Variants in FGFR2 observed in about 807,000 individuals in gnomAD.
FGFR2 encodes the protein BEK fibroblast growth factor receptor.
Under a neutral mutation model 95.9 loss-of-function variants are expected in FGFR2, and 19 were observed. The ratio of observed to expected loss-of-function variants is 0.20; its 90% CI spans 0.14 to 0.29. FGFR2 has a LOEUF of 0.29. Among genes scored for constraint, FGFR2 ranks in the 10% least tolerant of loss-of-function variants. The pLI is 1.00. For synonymous variants in FGFR2, 392 were observed against 393.3 expected (o/e 1.00, Z 0.04); for missense variants, 707 against 1,056.9 (o/e 0.67, Z 4.59).
chr10:121,511,359 G>A (rs1564902750), intron 9 of FGFR2, among the ~76,000 whole-genome samples: 1 of 152,094 alleles, frequency 6.6e-6, no homozygotes, highest in Non-Finnish European at 1.5e-5. Flanking sequence ...ATGTAAAACT[G>A]ATTCAGCAAA....
chr10:121,523,155 G>T (rs1380729065), intron 6 of FGFR2, among the ~76,000 whole-genome samples: 2 of 152,196 alleles, frequency 1.3e-5, no homozygotes, highest in Admixed American at 1.3e-4. Flanking sequence ...AGACATCTAT[G>T]TTTTCACATT....
At chr10:121,509,272 C>T (rs932767029) in intron 9 of FGFR2, among the ~76,000 whole-genome samples, 2 of 151,996 alleles carry the variant, frequency 1.3e-5, no homozygotes, top group South Asian at 2.1e-4. Context: ...TCTTGGCAGG[C>T]ATTTTTTTTT....
chr10:121,538,320 C>T (rs757475317), intron 6 of FGFR2: 2 of 779,672 alleles, frequency 2.6e-6, no homozygotes, highest in Non-Finnish European at 4.8e-6. Flanking sequence ...TCTCAGCTTC[C>T]AAAATGTCAG....
intron 2 of FGFR2, 89 bp from the exon 3 acceptor site, chr10:121,565,793 A>G: frequency 6.7e-7 from 1 of 1,502,592 alleles, no homozygotes; most frequent in Non-Finnish European, 9.2e-7. Context: ...AGGCCTGCTT[A>G]TTCCCAGGAG....
chr10:121,523,066 T>G (rs1213760063), intron 6 of FGFR2, among the ~76,000 whole-genome samples: 1 of 152,252 alleles, frequency 6.6e-6, no homozygotes, highest in Non-Finnish European at 1.5e-5. Context: ...ATAAGCCTGT[T>G]GCTGGTCTTT....
chr10:121,576,896 A>T (rs894123173), intron 2 of FGFR2, among the ~76,000 whole-genome samples: 9 of 151,672 alleles, frequency 5.9e-5, no homozygotes, highest in African/African-American at 2.2e-4. Flanking sequence ...GAACTTTGGG[A>T]AGCTGAGGCA....
chr10:121,529,145 G>GA (rs1851770244), intron 6 of FGFR2, among the ~76,000 whole-genome samples: 2 of 152,060 alleles, frequency 1.3e-5, no homozygotes, highest in Non-Finnish European at 2.9e-5. Flanking sequence ...GTCTCACTCT[G>GA]TCACCCAGTC....
At position 121,479,475 on chromosome 10, in the gene FGFR2, A is replaced by G; in HGVS notation, c.*382T>C. The stretch of plus-strand genomic sequence containing the variant: ...AATTTGAATATATTTACATACATCC[A>G]GCACCTATATACTGCATTTGTGCTC... On this transcript the variant is annotated 3_prime_UTR_variant, in exon 18 of 18. Transcript: ENST00000358487. The G allele has an allele frequency of 1.6e-6, 1 of 630,626 alleles. No individual in the cohort carries two copies. 39.1% of individuals were successfully genotyped at this position (630,626 alleles called of 1,614,324 possible).
At chr10:121,548,412 C>T (rs1042067757) in intron 5 of FGFR2, among the ~76,000 whole-genome samples, 1 of 151,922 alleles carries the variant, frequency 6.6e-6, no homozygotes, top group Non-Finnish European at 1.5e-5. Flanking sequence ...AGGCTAAAGG[C>T]TTTCTGCTGG....
Position 121,479,892 on chromosome 10 carries a change from G to T in FGFR2, c.2431C>A (p.Gln811Lys), listed in dbSNP as rs1450657969. 36 of 1,614,168 alleles carry T rather than the reference G, an allele frequency of 2.2e-5. No individual in the cohort carries two copies. Among genetic ancestry groups the T allele is most frequent in the Non-Finnish European group, 2.9e-5 (34 of 1,180,030 alleles). Residue 811 changes from glutamine to lysine, a missense_variant, in exon 18 of 18, where the codon CAG (glutamine) becomes AAG (lysine). Gln to Lys is a moderately conservative substitution (Grantham distance 53, BLOSUM62 1). Around this residue, in one of 7 missense-constraint regions of FGFR2, gnomAD observed 51 missense variants for 50.2 expected, o/e 1.01. Coordinates refer to ENST00000358487, the MANE Select transcript of FGFR2 (RefSeq NM_000141.5). ...DPMPYEPCLP[Q>K]YPHINGSVKT ...ACACTGCCGTTTATGTGTGGATACT[G>T]AGGAAGGCATGGTTCGTAAGGCATG...
chr10:121,546,035 AC>A (rs1854461221), intron 5 of FGFR2, among the ~76,000 whole-genome samples: 1 of 151,936 alleles, frequency 6.6e-6, no homozygotes, highest in African/African-American at 2.4e-5. Context: ...GTTTTTAAGA[AC>A]CCCCTATGCC....
chr10:121,536,525 C>G (rs941408311), intron 6 of FGFR2, among the ~76,000 whole-genome samples: 2 of 152,192 alleles, frequency 1.3e-5, no homozygotes, highest in Non-Finnish European at 2.9e-5. Flanking sequence ...ATCATACGCT[C>G]TTTTCAACAA....
At chr10:121,529,127 G>C (rs887411302) in intron 6 of FGFR2, among the ~76,000 whole-genome samples, 1 of 151,782 alleles carries the variant, frequency 6.6e-6, no homozygotes, top group Non-Finnish European at 1.5e-5. Context: ...GTTTGTTTTT[G>C]AGAAGGAGTC....
At chr10:121,489,474 C>T (rs776819108) in intron 13 of FGFR2, among the ~76,000 whole-genome samples, 1 of 152,158 alleles carries the variant, frequency 6.6e-6, no homozygotes, top group Non-Finnish European at 1.5e-5. Flanking sequence ...TCTGTCCCTT[C>T]AAATAGAGGA....
At chr10:121,506,231 G>A (rs538866450) in intron 9 of FGFR2, among the ~76,000 whole-genome samples, 10 of 151,840 alleles carry the variant, frequency 6.6e-5, no homozygotes, top group South Asian at 2.1e-4. Context: ...GGTGGTAGGC[G>A]CCTGTAATCC....
At chr10:121,506,406 A>T (rs1848289246) in intron 9 of FGFR2, among the ~76,000 whole-genome samples, 1 of 151,512 alleles carries the variant, frequency 6.6e-6, no homozygotes, top group Non-Finnish European at 1.5e-5. Flanking sequence ...ACTTCCGCAA[A>T]TGGCCAGGGT....
chr10:121,583,235 G>A (rs1861233331), intron 2 of FGFR2: 2 of 152,246 alleles, frequency 1.3e-5, no homozygotes, highest in Admixed American at 6.5e-5. Context: ...CCAAGTACAG[G>A]GGTCTGTCTA....
chr10:121,587,271 G>A (rs1861971679), intron 2 of FGFR2, among the ~76,000 whole-genome samples: 1 of 152,164 alleles, frequency 6.6e-6, no homozygotes, highest in African/African-American at 2.4e-5. Flanking sequence ...ATGGAAGAAA[G>A]ACTTAAATGT....
rs1129322 is a variant in FGFR2, at chr10:121,518,806, A to T, written c.939+1173T>A. 1.2e-6 allele frequency: 2 copies of T among 1,614,172 alleles called. No homozygotes were observed. Among genetic ancestry groups the T allele is most frequent in the South Asian group, 2.2e-5 (2 of 91,076 alleles). On this transcript the variant is annotated intron_variant, in intron 7 of 17. Coordinates refer to ENST00000358487, the MANE Select transcript of FGFR2 (RefSeq NM_000141.5). The surrounding 1 kb of genome is among the most constrained non-coding windows in gnomAD (Gnocchi z 4.0). ...CATTGAACAGAGCCAGCACTTCTGC[A>T]TTGGAACTATTTATCCCCGAGTGCT...
Sources: allele counts gnomAD v4.1 joint callset (sites outside exome capture counted in the v4.1 genomes callset), GRCh38; gene constraint gnomAD v4.1.1; regional missense constraint gnomAD v4.1.1; non-coding constraint Gnocchi (gnomAD v3.1); transcripts MANE v1.5; gene names NCBI Gene and HGNC (gene_info 2026-07-23, HGNC 2026-07-21).